Variants in THSD7A observed in about 807,000 individuals in gnomAD.
THSD7A encodes the protein thrombospondin type-1 domain-containing protein 7A.
A neutral mutation model predicts 231.3 loss-of-function variants in THSD7A; 96 were observed. The ratio of observed to expected loss-of-function variants is 0.41; its 90% confidence interval spans 0.35 to 0.49. The LOEUF is 0.49. Ranked by LOEUF, THSD7A falls within the 20% of genes least tolerant of loss-of-function variation. The probability of loss-of-function intolerance (pLI) is 0.05; values close to 1 mark genes in which losing one functional copy is unlikely to be tolerated. For synonymous variants in THSD7A, 940 were observed against 743.3 expected (o/e 1.26, Z -4.30); for missense variants, 2,290 against 2,070.2 (o/e 1.11, Z -2.06).
chr7:11,766,841 A>T (rs953259870), intron 1 of THSD7A, among the ~76,000 whole-genome samples: 13 of 152,158 alleles, frequency 8.5e-5, no homozygotes, highest in Non-Finnish European at 1.9e-4. Flanking sequence ...TTAAAGAACA[A>T]CCACAAAGCT....
intron 1 of THSD7A, among the ~76,000 whole-genome samples, chr7:11,816,771 A>T (rs1290547324): frequency 1.3e-5 from 2 of 152,202 alleles, no homozygotes; most frequent in Non-Finnish European, 2.9e-5. Flanking sequence ...TTTAAAAGTC[A>T]CTACTATAAA....
intron 1 of THSD7A, among the ~76,000 whole-genome samples, chr7:11,700,401 T>C (rs1780549254): frequency 6.6e-6 from 1 of 151,276 alleles, no homozygotes; most frequent in Admixed American, 6.6e-5. Context: ...TACGTAATTC[T>C]ATTTTTCCCT....
chr7:11,479,977 A>T, intron 7 of THSD7A, among the ~76,000 whole-genome samples: 1 of 152,190 alleles, frequency 6.6e-6, no homozygotes, highest in East Asian at 1.9e-4. Context: ...TATGCTAATT[A>T]TCTTGATTTG....
chr7:11,380,022 C>T (rs985598141), intron 24 of THSD7A, among the ~76,000 whole-genome samples: 1 of 152,154 alleles, frequency 6.6e-6, no homozygotes, highest in African/African-American at 2.4e-5. Context: ...CTGTCAGGAG[C>T]ACATGAATCC....
chr7:11,392,426 C>T (rs537633732), intron 23 of THSD7A, among the ~76,000 whole-genome samples: 2 of 152,274 alleles, frequency 1.3e-5, no homozygotes, highest in South Asian at 4.1e-4. Flanking sequence ...CCACCAGGGC[C>T]TTGGGTTTCA....
In THSD7A at chr7:11,417,099, T is replaced by C. The variant is rs184848094; in HGVS notation, c.3537+351A>G. The stretch of plus-strand genomic sequence containing the variant: ...AATAACCTGACACCATTAAAGTACC[T>C]TTACTTCATTCATTTTCCCTTTTAC... On this transcript the variant is annotated intron_variant, in intron 17 of 27. Coordinates refer to ENST00000423059, the MANE Select transcript of THSD7A (RefSeq NM_015204.3). Among the ~76,000 whole-genome samples the C allele has an allele frequency of 1.7e-3, 256 of 152,328 alleles. 1 individual carries two copies. The highest frequency in any genetic ancestry group is 2.9e-3 in the Non-Finnish European group (198 of 68,032).
intron 6 of THSD7A, among the ~76,000 whole-genome samples, chr7:11,536,762 C>T (rs1384341722): frequency 2.0e-5 from 3 of 152,122 alleles, no homozygotes; most frequent in Admixed American, 6.6e-5. Flanking sequence ...GCTTCTGGAA[C>T]AATCTATGAA....
chr7:11,584,329 T>A (rs1480576852), intron 4 of THSD7A, among the ~76,000 whole-genome samples: 7 of 152,126 alleles, frequency 4.6e-5, no homozygotes, highest in Non-Finnish European at 8.8e-5. Flanking sequence ...TATACAAATA[T>A]ATTAGTAGTT....
At chr7:11,609,399 C>T (rs1029547156) in intron 2 of THSD7A, among the ~76,000 whole-genome samples, 12 of 152,068 alleles carry the variant, frequency 7.9e-5, no homozygotes, top group African/African-American at 2.2e-4. Flanking sequence ...TTTGAATTAG[C>T]AAATGAGACA....
chr7:11,434,879 A>C (rs937852844), intron 13 of THSD7A, among the ~76,000 whole-genome samples: 11 of 152,160 alleles, frequency 7.2e-5, no homozygotes, highest in Non-Finnish European at 1.3e-4. Context: ...ATATATATCC[A>C]AACTCCTATA....
chr7:11,600,036 C>T (rs762153183), intron 2 of THSD7A, among the ~76,000 whole-genome samples: 3 of 152,042 alleles, frequency 2.0e-5, no homozygotes, highest in Non-Finnish European at 2.9e-5. Context: ...TTTTGGGACT[C>T]GGACTGGCTC....
chr7:11,709,424 C>G (rs13311304), intron 1 of THSD7A, among the ~76,000 whole-genome samples: 68,542 of 150,432 alleles, frequency 0.46, 16,002 homozygotes, highest in Admixed American at 0.54. Flanking sequence ...TCTAACTTAC[C>G]AGTCTCATAA....
rs565757028 is a variant in THSD7A, at chr7:11,795,623, A to G, written c.190+36134T>C. ...AGATATTTACTTATAATTCAAACAT[A>G]TATTCTATTACAGAATAACTTGCAT... On this transcript the variant is annotated intron_variant, in intron 1 of 27. Transcript: ENST00000423059. 2.8e-4 allele frequency among the ~76,000 whole-genome samples: 42 copies of G among 152,174 alleles called. 1 individual carries two copies. The highest frequency in any genetic ancestry group is 1.0e-3 in the African/African-American group (42 of 41,554).
intron 1 of THSD7A, among the ~76,000 whole-genome samples, chr7:11,799,569 T>A (rs1419551925): frequency 6.6e-6 from 1 of 152,196 alleles, no homozygotes; most frequent in Non-Finnish European, 1.5e-5. Context: ...ATCAATCTTC[T>A]TAAATAAATA....
rs1425078223 is a variant in THSD7A, at chr7:11,462,073, G to C, written c.2439C>G (p.Asp813Glu). ...TCTCTTCATAGAGGGGATCTGTGCA[G>C]TCTCGGCCCCCGTTGGCTGGCAGCT... is the stretch of plus-strand genomic sequence containing the variant. ...IIQLPANGGRDCTDPLYEEKA... is the reference protein window; with the variant it reads ...IIQLPANGGRECTDPLYEEKA... The change falls in exon 10 of 28, where the codon GAC becomes GAG. Residue 813 changes from aspartate to glutamate, a missense_variant. Coordinates refer to ENST00000423059, the MANE Select transcript of THSD7A (RefSeq NM_015204.3). The C allele has an allele frequency of 4.3e-6, 7 of 1,613,730 alleles. No homozygotes were observed. The highest frequency in any genetic ancestry group is 1.3e-5 in the African/African-American group (1 of 74,932).
At position 11,397,857 on chromosome 7, in the gene THSD7A, C is replaced by T. The variant is rs188187581; in HGVS notation, c.4411+3938G>A. ...AATCAAAACCACAATGAGATACCAT[C>T]TCACACCAATTAGAATAGTGATCAT... On this transcript the variant is annotated intron_variant, in intron 23 of 27. Coordinates refer to ENST00000423059, the MANE Select transcript of THSD7A (RefSeq NM_015204.3). 3.8e-3 allele frequency among the ~76,000 whole-genome samples: 580 copies of T among 152,292 alleles called. 4 individuals carry two copies. Among genetic ancestry groups the T allele is most frequent in the Admixed American group, 7.2e-3 (110 of 15,296 alleles).
chr7:11,447,398 C>T lies in THSD7A; in HGVS notation c.2632G>A (p.Gly878Arg), dbSNP rs1158837970. Residue 878 changes from glycine (G) to arginine (R), a missense_variant, in exon 12 of 28, where the codon GGA (glycine) becomes AGA (arginine). By Grantham distance (125) the Gly-to-Arg change is moderately radical. Transcript: ENST00000423059. ...RAITCRKQDG[G>R]QAGIHECLQY... ...AGGCACTCATGGATTCCAGCCTGTC[C>T]TCCATCTTGCTTGCGACAAGTAATG... 20 of 1,577,782 alleles carry T rather than the reference C, an allele frequency of 1.3e-5. No individual in the cohort carries two copies. Among genetic ancestry groups the T allele is most frequent in the Non-Finnish European group, 1.4e-5 (16 of 1,164,396 alleles).
intron 1 of THSD7A, among the ~76,000 whole-genome samples, chr7:11,667,594 C>T (rs1783192132): frequency 6.6e-6 from 1 of 152,066 alleles, no homozygotes; most frequent in African/African-American, 2.4e-5. Flanking sequence ...AATTGCAGTG[C>T]TTATAGACTA....
Position 11,412,680 on chromosome 7 carries a change from A to G in THSD7A, c.3658T>C (p.Tyr1220His). The G allele has an allele frequency of 1.2e-6, 2 of 1,613,850 alleles. No individual in the cohort carries two copies. The highest frequency in any genetic ancestry group is 1.3e-5 in the African/African-American group (1 of 75,058). Residue 1220 changes from tyrosine to histidine, a missense_variant, in exon 18 of 28, where the codon TAC (tyrosine) becomes CAC (histidine). Transcript: ENST00000423059. ...CCTGTTACATTATAATCATAGTGGTAGCAGTTTTTGTTCAGGTTACAGGGT... is the reference window on the plus strand; with the variant it reads ...CCTGTTACATTATAATCATAGTGGTGGCAGTTTTTGTTCAGGTTACAGGGT... ...KEPCNLNKNC[Y>H]HYDYNVTDWS... is the part of the protein sequence containing the mutation.
Sources: gnomAD v4.1 joint callset for allele counts (sites outside exome capture counted in the v4.1 genomes callset) on GRCh38, gnomAD v4.1.1 for gene constraint, MANE v1.5 for transcripts, NCBI Gene and HGNC (gene_info 2026-07-23, HGNC 2026-07-21) for gene names.